The following ARCN1 variants were observed in gnomAD, a reference collection of about 807,000 sequenced individuals.
The protein encoded by ARCN1 is coatomer subunit delta.
A neutral mutation model predicts 60.4 loss-of-function variants in ARCN1; 5 were observed. That is an observed-to-expected ratio of 0.08 (90% CI 0.04 to 0.17). The LOEUF is 0.17. Ranked by LOEUF, ARCN1 falls within the 10% of genes least tolerant of loss-of-function variation. The pLI is 1.00. For synonymous variants in ARCN1, 224 were observed against 220.0 expected (o/e 1.02, Z -0.16); for missense variants, 464 against 626.5 (o/e 0.74, Z 2.77).
chr11:118,590,932 C>T (rs117406424), intron 6 of ARCN1, among the ~76,000 whole-genome samples: 254 of 152,312 alleles, frequency 1.7e-3, no homozygotes, highest in Admixed American at 5.8e-3. Flanking sequence ...GCTGAAGGAT[C>T]GCTTGAGCCC....
At chr11:118,583,018 G>C (rs1938695149) in intron 2 of ARCN1, among the ~76,000 whole-genome samples, 161 bp from the exon 3 acceptor site, 1 of 152,192 alleles carries the variant, frequency 6.6e-6, no homozygotes, top group East Asian at 1.9e-4. Context: ...TCCAGCGTGG[G>C]CAGCAGAGCG....
rs1555072628 is a variant in ARCN1 at position 118,572,545 on chromosome 11, A to G, written c.-3A>G. 6 of 1,610,886 alleles carry G rather than the reference A, an allele frequency of 3.7e-6. No homozygotes were observed. Among genetic ancestry groups the G allele is most frequent in the Admixed American group, 1.7e-5 (1 of 59,804 alleles). ...GCGGGCGCGCCCCACCACCGCCCTC[A>G]CCATGGTAAGATCCGAGCCAGGACC... On this transcript the variant is annotated 5_prime_UTR_variant, in exon 1 of 10. Coordinates refer to ENST00000264028, the MANE Select transcript of ARCN1 (RefSeq NM_001655.5).
chr11:118,581,569 GT>G, intron 2 of ARCN1, 60 bp downstream of exon 2: 4 of 1,536,144 alleles, frequency 2.6e-6, no homozygotes, highest in Non-Finnish European at 3.5e-6. Context: ...TGTGAAACTA[GT>G]TTTTCCTCCA....
At chr11:118,582,700 C>CGT (rs1555074839) in intron 2 of ARCN1, among the ~76,000 whole-genome samples, 3 of 137,610 alleles carry the variant, frequency 2.2e-5, no homozygotes, top group South Asian at 2.3e-4. Flanking sequence ...CACTCCAGAC[C>CGT]GGGTGACAGA....
At chr11:118,581,941 C>G (rs984840796) in intron 2 of ARCN1, among the ~76,000 whole-genome samples, 99 of 145,516 alleles carry the variant, frequency 6.8e-4, no homozygotes, top group Non-Finnish European at 9.9e-4. Context: ...CAGACAGACA[C>G]ACACACACAC....
At position 118,584,008 on chromosome 11, in the gene ARCN1, C is replaced by A; in HGVS notation, c.647C>A (p.Pro216Gln). The A allele has an allele frequency of 6.2e-7, 1 of 1,614,054 alleles. No homozygotes were observed. Among genetic ancestry groups the A allele is most frequent in the Non-Finnish European group, 8.5e-7 (1 of 1,179,952 alleles). The change falls in exon 4 of 10, where the codon CCA becomes CAA. Residue 216 changes from proline to glutamine, a missense_variant. Coordinates refer to ENST00000264028, the MANE Select transcript of ARCN1 (RefSeq NM_001655.5). ...ETDKPKVAPA[P>Q]ARPSGPSKAL... ...GATAAACCAAAAGTGGCACCTGCAC[C>A]AGCCAGGTATAATCCAGTGTACTTT...
chr11:118,595,695 A>G (rs1259104835), intron 8 of ARCN1, among the ~76,000 whole-genome samples: 4 of 152,172 alleles, frequency 2.6e-5, no homozygotes, highest in South Asian at 2.1e-4. Context: ...ATTAAGCACA[A>G]TGTTTAATTA....
rs1289141904 is a variant in ARCN1 at position 118,578,161 on chromosome 11, C to CAAAA, written c.4-3082_4-3079dup. 2.9e-3 allele frequency among the ~76,000 whole-genome samples: 380 copies of CAAAA among 129,458 alleles called. 7 individuals are homozygous for CAAAA. The highest frequency in any genetic ancestry group is 7.7e-4 in the South Asian group (3 of 3,898). 84.9% of individuals were successfully genotyped at this position (129,458 alleles called of 152,430 possible). A position where few individuals can be genotyped will look rare whatever the true frequency, so the allele number is the denominator to read the frequency against. ...TGGACTACAGAGTGAGACACTCTCT[C>CAAAA]AAAAAATAAATAAATAAATAAATAA... On this transcript the variant is annotated intron_variant, in intron 1 of 9. Coordinates refer to ENST00000264028, the MANE Select transcript of ARCN1 (RefSeq NM_001655.5).
intron 1 of ARCN1, chr11:118,572,997 T>C (rs1222036532): frequency 5.5e-6 from 1 of 183,126 alleles, no homozygotes; most frequent in African/African-American, 2.3e-5. Flanking sequence ...CCCCGGTGTT[T>C]GCTAGGCCGT....
rs188303468 is a variant in ARCN1, at chr11:118,572,558, C to G, written c.3+8C>G. On this transcript the variant is annotated splice_region_variant and intron_variant, in intron 1 of 9. Transcript: ENST00000264028. ...ACCACCGCCCTCACCATGGTAAGAT[C>G]CGAGCCAGGACCCGAACTCCTGGGG... 1.2e-6 allele frequency: 2 copies of G among 1,609,100 alleles called. No homozygotes were observed. Among genetic ancestry groups the G allele is most frequent in the South Asian group, 2.2e-5 (2 of 90,252 alleles).
At chr11:118,572,595 C>A in intron 1 of ARCN1, 45 bp downstream of exon 1, 1 of 1,596,346 alleles carries the variant, frequency 6.3e-7, no homozygotes, top group South Asian at 1.1e-5. Context: ...CCGAGCCTCA[C>A]CGTCTCTCCT....
chr11:118,576,426 T>TGAAA (rs782579401), intron 1 of ARCN1, among the ~76,000 whole-genome samples: 3 of 108,778 alleles, frequency 2.8e-5, no homozygotes, highest in African/African-American at 1.0e-4. Flanking sequence ...CCAAAAATGT[T>TGAAA]AAAAAAAAAA....
At chr11:118,592,924 C>T in intron 7 of ARCN1, 68 bp downstream of exon 7, 1 of 1,446,062 alleles carries the variant, frequency 6.9e-7, no homozygotes, top group South Asian at 1.5e-5. Flanking sequence ...CTTGCTGGTA[C>T]ACTTTTATTT....
chr11:118,572,667 TTTTGCTCCGGGCTCGGG>T (rs1426005096), intron 1 of ARCN1, 117 bp downstream of exon 1: 2 of 1,362,216 alleles, frequency 1.5e-6, no homozygotes, highest in African/African-American at 2.9e-5. Context: ...GGCAGAGTGC[TTTTGCTCCGGGCTCGGG>T]GAGCAGTGTG....
intron 5 of ARCN1, among the ~76,000 whole-genome samples, chr11:118,587,505 C>T (rs930775236): frequency 2.6e-5 from 4 of 152,110 alleles, no homozygotes; most frequent in African/African-American, 4.8e-5. Flanking sequence ...CATCTAAATG[C>T]GCAATACCTT....
chr11:118,575,214 G>C (rs1591379144), intron 1 of ARCN1, among the ~76,000 whole-genome samples: 1 of 152,218 alleles, frequency 6.6e-6, no homozygotes, highest in Non-Finnish European at 1.5e-5. Context: ...TCCTCACCTC[G>C]TGATCTGCCC....
rs1938963213 is a variant in ARCN1 at position 118,593,691 on chromosome 11, C to T, written c.1234C>T (p.Pro412Ser). ...ACTGAATGATGTGGTTATCACCATC[C>T]CACTCCCGTAAGTGCTGTCCCTGTG... ...LELNDVVITI[P>S]LPSGVGAPVI... Residue 412 changes from proline to serine, a missense_variant, in exon 8 of 10, where the codon CCA (proline) becomes TCA (serine). Physicochemically the swap from Pro to Ser is moderately conservative, Grantham distance 74. Transcript: ENST00000264028. 1 of 1,606,142 alleles carries T rather than the reference C, an allele frequency of 6.2e-7. No individual in the cohort carries two copies. Among genetic ancestry groups the T allele is most frequent in the Non-Finnish European group, 8.5e-7 (1 of 1,173,008 alleles).
chr11:118,579,548 CGT>C (rs1413462867), intron 1 of ARCN1, among the ~76,000 whole-genome samples: 1 of 150,252 alleles, frequency 6.7e-6, no homozygotes, highest in Admixed American at 6.6e-5. Context: ...ATTAGCCGGG[CGT>C]GGTGGCAGGC....
At chr11:118,574,388 G>T (rs1005364596) in intron 1 of ARCN1, among the ~76,000 whole-genome samples, 1 of 151,918 alleles carries the variant, frequency 6.6e-6, no homozygotes, top group Middle Eastern at 3.2e-3. Flanking sequence ...AATTTCCAGC[G>T]TTTATTTTAG....
Sources: gnomAD v4.1 joint callset for allele counts (sites outside exome capture counted in the v4.1 genomes callset) on GRCh38, gnomAD v4.1.1 for gene constraint, MANE v1.5 for transcripts, NCBI Gene and HGNC (gene_info 2026-07-23, HGNC 2026-07-21) for gene names.